Variants in CAMK2B observed in about 807,000 individuals in gnomAD.
CAMK2B encodes calcium/calmodulin dependent protein kinase II beta, also known as calcium/calmodulin-dependent protein kinase type II subunit beta.
A neutral mutation model predicts 93.7 loss-of-function variants in CAMK2B; 27 were observed. That is an observed-to-expected ratio of 0.29 (90% CI 0.21 to 0.40). CAMK2B has a LOEUF of 0.40. Among genes scored for constraint, CAMK2B ranks in the 10% least tolerant of loss-of-function variants. The pLI is 1.00. For synonymous variants in CAMK2B, 374 were observed against 358.8 expected, an observed-to-expected ratio of 1.04 and a Z score of -0.48; for missense variants, 568 against 895.8, an observed-to-expected ratio of 0.63 and a Z score of 4.67.
At chr7:44,238,087 G>A (rs1479968608) in intron 13 of CAMK2B, among the ~76,000 whole-genome samples, 2 of 152,236 alleles carry the variant, frequency 1.3e-5, no homozygotes, top group Non-Finnish European at 2.9e-5. Context: ...GCAGAGAACT[G>A]AGCTCCATGC....
intron 1 of CAMK2B, among the ~76,000 whole-genome samples, chr7:44,303,610 G>T (rs1790684852): frequency 6.6e-6 from 1 of 152,100 alleles, no homozygotes; most frequent in Admixed American, 6.5e-5. Context: ...CTTAAAATGG[G>T]TCATAGACCT....
chr7:44,301,024 C>T (rs1789853483), intron 1 of CAMK2B, among the ~76,000 whole-genome samples: 1 of 152,190 alleles, frequency 6.6e-6, no homozygotes, highest in Non-Finnish European at 1.5e-5. Context: ...TTCTAAATGA[C>T]ACACAGACAA....
intron 5 of CAMK2B, among the ~76,000 whole-genome samples, chr7:44,247,481 C>T (rs1192172231): frequency 6.6e-6 from 1 of 152,184 alleles, no homozygotes; most frequent in Admixed American, 6.5e-5. Flanking sequence ...TCCCCAGGCT[C>T]CTGTTGGCCA....
At position 44,311,329 on chromosome 7, in the gene CAMK2B, G is replaced by A. The variant is rs1296252956; in HGVS notation, c.65+14028C>T. 6.6e-6 allele frequency among the ~76,000 whole-genome samples: 1 copy of A among 152,170 alleles called. No homozygotes were observed. Among genetic ancestry groups the A allele is most frequent in the Non-Finnish European group, 1.5e-5 (1 of 68,028 alleles). On this transcript the variant is annotated intron_variant, in intron 1 of 23. Transcript: ENST00000395749. This position sits in a 1 kb window ranked among gnomAD's most constrained non-coding sequence, Gnocchi z 4.2. Reference sequence around the variant, plus strand: ...GACTTCAAGTGATCCGCCCATCTCGGCCTCCCAAAGTGCTGGGATTACAGG... The same window carrying A: ...GACTTCAAGTGATCCGCCCATCTCGACCTCCCAAAGTGCTGGGATTACAGG...
At chr7:44,244,026 A>AG (rs1196135067) in intron 6 of CAMK2B, among the ~76,000 whole-genome samples, 2 of 152,032 alleles carry the variant, frequency 1.3e-5, no homozygotes, top group African/African-American at 4.8e-5. Flanking sequence ...GGGCTGCTTG[A>AG]GGGGAAGTTC....
In CAMK2B at chr7:44,311,140, C is replaced by G. The variant is rs1394033840; in HGVS notation, c.65+14217G>C. Reference sequence around the variant, plus strand: ...CCAGGCTGGAGTGCAATGGCGTGATCTCGGCTCACTGCAACCTCTGCAACC... The same window carrying G: ...CCAGGCTGGAGTGCAATGGCGTGATGTCGGCTCACTGCAACCTCTGCAACC... On this transcript the variant is annotated intron_variant, in intron 1 of 23. Coordinates refer to ENST00000395749, the MANE Select transcript of CAMK2B (RefSeq NM_001220.5). This position sits in a 1 kb window ranked among gnomAD's most constrained non-coding sequence, Gnocchi z 4.2. Among the ~76,000 whole-genome samples the G allele has an allele frequency of 6.6e-6, 1 of 152,144 alleles. No individual in the cohort carries two copies. The highest frequency in any genetic ancestry group is 1.5e-5 in the Non-Finnish European group (1 of 68,036).
Position 44,242,547 on chromosome 7 carries a change from C to T in CAMK2B, c.696+13G>A, listed in dbSNP as rs1215330249. ...AGGAAGGGAGCTCATCAGAGAGGGG[C>T]TGGTGCACTCACGTCATAGGCACCA... is the stretch of plus-strand genomic sequence containing the variant. On this transcript the variant is annotated intron_variant, in intron 9 of 23. Transcript: ENST00000395749. 22 of 1,596,192 alleles carry T rather than the reference C, an allele frequency of 1.4e-5. No individual in the cohort carries two copies. The highest frequency in any genetic ancestry group is 1.9e-5 in the Non-Finnish European group (22 of 1,168,228).
At chr7:44,325,921 C>G (rs550215709), upstream of CAMK2B, 2 of 150,994 alleles carry the variant, frequency 1.3e-5, no homozygotes, top group South Asian at 3.9e-4. Flanking sequence ...CCTCTACCCG[C>G]ACCACGCCCG....
intron 12 of CAMK2B, among the ~76,000 whole-genome samples, chr7:44,240,227 C>A (rs1459793108): frequency 1.3e-5 from 2 of 152,164 alleles, no homozygotes; most frequent in Non-Finnish European, 2.9e-5. Context: ...AGAGAACTTG[C>A]TTCCCAACCA....
chr7:44,264,615 T>C (rs2096907836), intron 2 of CAMK2B, among the ~76,000 whole-genome samples: 1 of 152,134 alleles, frequency 6.6e-6, no homozygotes, highest in South Asian at 2.1e-4. Flanking sequence ...CCCGCTGTTT[T>C]GCTGGAAGCC....
intron 1 of CAMK2B, among the ~76,000 whole-genome samples, chr7:44,302,537 A>G (rs1218833124): frequency 2.6e-5 from 4 of 152,224 alleles, no homozygotes; most frequent in African/African-American, 9.6e-5. Context: ...CCAACAATGT[A>G]TAAAAAGAAT....
At position 44,325,364 on chromosome 7, in the gene CAMK2B, T is replaced by C; in HGVS notation, c.58A>G (p.Ile20Val). ...GCGCGCCGCTGCTCTTACTTGCCAA[T>C]ATCCTCGTAGAGCTGGTACTCGTCG... ...FTDEYQLYED[I>V]GKGAFSVVRR... The change falls in exon 1 of 24, where the codon ATT (isoleucine) becomes GTT (valine). Residue 20 changes from isoleucine (I) to valine (V), a missense_variant. Coordinates refer to ENST00000395749, the MANE Select transcript of CAMK2B (RefSeq NM_001220.5). 1 of 1,254,380 alleles carries C rather than the reference T, an allele frequency of 8.0e-7. No homozygotes were observed. Among genetic ancestry groups the C allele is most frequent in the Non-Finnish European group, 1.0e-6 (1 of 969,716 alleles). 77.7% of individuals were successfully genotyped at this position (1,254,380 alleles called of 1,614,324 possible).
At chr7:44,238,954 A>G (rs1490168570) in intron 13 of CAMK2B, among the ~76,000 whole-genome samples, 1 of 152,088 alleles carries the variant, frequency 6.6e-6, no homozygotes, top group Non-Finnish European at 1.5e-5. Context: ...AGCCCAGAGG[A>G]GCAGGTGGCC....
At chr7:44,254,642 G>C in intron 4 of CAMK2B, 35 bp from the exon 5 acceptor site, 1 of 1,503,004 alleles carries the variant, frequency 6.7e-7, no homozygotes, top group Non-Finnish European at 9.2e-7. Flanking sequence ...ACAGATTCTG[G>C]AGACCCCTGT....
At chr7:44,296,758 T>A (rs982339753) in intron 1 of CAMK2B, among the ~76,000 whole-genome samples, 1 of 151,736 alleles carries the variant, frequency 6.6e-6, no homozygotes, top group Admixed American at 6.6e-5. Flanking sequence ...AAGAGGAGAG[T>A]GGAGTAAAAT....
intron 13 of CAMK2B, among the ~76,000 whole-genome samples, chr7:44,236,936 C>T (rs1325896400): frequency 1.3e-5 from 2 of 152,232 alleles, no homozygotes. Flanking sequence ...TCGTGGGGAG[C>T]TGAACAGGCA....
At chr7:44,295,590 G>T (rs751385989) in intron 1 of CAMK2B, among the ~76,000 whole-genome samples, 1 of 152,202 alleles carries the variant, frequency 6.6e-6, no homozygotes, top group Non-Finnish European at 1.5e-5. Flanking sequence ...CCTTAGCAGC[G>T]TGCACCCACA....
intron 13 of CAMK2B, among the ~76,000 whole-genome samples, chr7:44,239,069 T>C (rs35398290): frequency 0.34 from 52,221 of 152,066 alleles, 9,746 homozygotes; most frequent in Non-Finnish European, 0.42. Flanking sequence ...CATAAAACCC[T>C]CACCCACTCC....
chr7:44,282,790 C>T (rs2097112502), intron 2 of CAMK2B, among the ~76,000 whole-genome samples: 1 of 152,244 alleles, frequency 6.6e-6, no homozygotes, highest in African/African-American at 2.4e-5. Context: ...AGACAGTAGG[C>T]AGCTCTCCCA....
Sources: allele counts gnomAD v4.1 joint callset (sites outside exome capture counted in the v4.1 genomes callset), GRCh38; gene constraint gnomAD v4.1.1; non-coding constraint Gnocchi (gnomAD v3.1); transcripts MANE v1.5; gene names NCBI Gene and HGNC (gene_info 2026-07-23, HGNC 2026-07-21).